Variants in ZNF723 observed in about 807,000 individuals in gnomAD.
ZNF723 encodes the protein zinc finger protein 723, also known as zinc finger protein 723, pseudogene.
ZNF723 carries 5 observed loss-of-function variants against 9.4 expected under a neutral mutation model. That is an observed-to-expected ratio of 0.53 (90% CI 0.28 to 1.12). The LOEUF is 1.12. Ranked by LOEUF, ZNF723 falls within the 50% of genes most tolerant of loss-of-function variation. ZNF723 has a pLI of 0.10. For missense variants in ZNF723, 450 were observed against 501.5 expected (o/e 0.90, Z 0.98); for synonymous variants, 158 against 168.8 (o/e 0.94, Z 0.49).
rs200046186 is a variant in ZNF723, at chr19:22,857,667, G to C, written c.776G>C (p.Cys259Ser). ...CATACTGGAGAGAAACCCTACAAAT[G>C]TGAAGAATGTGGCAAAACCTTTAAT... ...RIHTGEKPYK[C>S]EECGKTFNMF... The change falls in exon 4 of 4, where the codon TGT becomes TCT. Residue 259 changes from cysteine (C) to serine (S), a missense_variant. This residue lies in a region of ZNF723 where 237 missense variants were observed against 332.2 expected (regional missense o/e 0.71). Transcript: ENST00000600766. 2 of 1,273,092 alleles carry C rather than the reference G, an allele frequency of 1.6e-6. No homozygotes were observed. Among genetic ancestry groups the C allele is most frequent in the Non-Finnish European group, 2.3e-6 (2 of 870,038 alleles). The allele number at this position is 1,273,092 out of a possible 1,614,324, so 78.9% of individuals were successfully genotyped here.
At chr19:22,842,590 T>A (rs1395973392) in intron 1 of ZNF723, among the ~76,000 whole-genome samples, 1 of 152,248 alleles carries the variant, frequency 6.6e-6, no homozygotes. Context: ...GCTCCCAGGT[T>A]ACAATCCTCA....
rs556392451 is a variant in ZNF723 at position 22,838,999 on chromosome 19, G to A, written c.3+6617G>A. ...TTACCTTAGGTGATCTGCCCTCCTC[G>A]GCCTCCCAAAATGCTGGGATTACGG... On this transcript the variant is annotated intron_variant, in intron 1 of 3. Coordinates refer to ENST00000600766, the MANE Select transcript of ZNF723 (RefSeq NM_001349726.2). 5.3e-5 allele frequency among the ~76,000 whole-genome samples: 8 copies of A among 152,110 alleles called. No homozygotes were observed. The East Asian group carries it at 1.2e-3, about 22-fold the overall frequency.
Position 22,858,645 on chromosome 19 carries a change from A to G in ZNF723, c.*212A>G. 1 of 348,756 alleles carries G rather than the reference A, an allele frequency of 2.9e-6. No homozygotes were observed. Among genetic ancestry groups the G allele is most frequent in the Non-Finnish European group, 5.1e-6 (1 of 196,428 alleles). The allele number at this position is 348,756 out of a possible 1,614,324, so 21.6% of individuals were successfully genotyped here. ...GCCGGGTGTAGTGGTGGGCGCCTGT[A>G]ATCCCAGCTAGTTGGGAGGCTGAGG... On this transcript the variant is annotated 3_prime_UTR_variant, in exon 4 of 4. Transcript: ENST00000600766.
At chr19:22,830,578 G>C, upstream of ZNF723, among the ~76,000 whole-genome samples, 1 of 152,006 alleles carries the variant, frequency 6.6e-6, no homozygotes, top group East Asian at 1.9e-4. Flanking sequence ...AGTATTTCAT[G>C]GGTCTGCAGA....
At chr19:22,817,275 A>G in the ZNF723 span, among the ~76,000 whole-genome samples, 4 of 152,136 alleles carry the variant, frequency 2.6e-5, no homozygotes, top group African/African-American at 9.7e-5. Context: ...TAAGTTATGT[A>G]ATTCTCTTCT....
chr19:22,852,591 G>T (rs1967413086), intron 3 of ZNF723, among the ~76,000 whole-genome samples: 1 of 152,016 alleles, frequency 6.6e-6, no homozygotes, highest in Non-Finnish European at 1.5e-5. Context: ...TTATTTTTGT[G>T]TGGGGAAAAA....
the ZNF723 span, among the ~76,000 whole-genome samples, chr19:22,812,676 A>G: frequency 6.6e-6 from 1 of 152,196 alleles, no homozygotes; most frequent in Non-Finnish European, 1.5e-5. Context: ...CCCAGTCAAC[A>G]GTAAAAATTG....
intron 1 of ZNF723, among the ~76,000 whole-genome samples, chr19:22,841,807 TA>T (rs1196391033): frequency 2.8e-4 from 42 of 152,020 alleles, no homozygotes; most frequent in Non-Finnish European, 1.9e-4. Flanking sequence ...CTCCTATTGC[TA>T]AAATACCCAC....
At chr19:22,812,871 A>G in the ZNF723 span, among the ~76,000 whole-genome samples, 1 of 152,206 alleles carries the variant, frequency 6.6e-6, no homozygotes, top group Non-Finnish European at 1.5e-5. Context: ...TCTGTAGGAG[A>G]AACTGAGGCC....
At chr19:22,843,693 G>C (rs999608248) in intron 1 of ZNF723, among the ~76,000 whole-genome samples, 2 of 152,062 alleles carry the variant, frequency 1.3e-5, no homozygotes, top group Non-Finnish European at 2.9e-5. Context: ...ATATTGTAGT[G>C]ACTTCTTATG....
At chr19:22,848,239 T>G (rs531536082) in intron 1 of ZNF723, 22 bp from the exon 2 acceptor site, 1 of 917,594 alleles carries the variant, frequency 1.1e-6, no homozygotes, top group Non-Finnish European at 1.7e-6. Context: ...TGTGTGTATG[T>G]GTGTGTGTGT....
chr19:22,835,900 T>C (rs1967158975), intron 1 of ZNF723, among the ~76,000 whole-genome samples: 1 of 152,222 alleles, frequency 6.6e-6, no homozygotes, highest in Non-Finnish European at 1.5e-5. Flanking sequence ...TAATTTTTAA[T>C]GCAAATAATA....
upstream of ZNF723, chr19:22,832,260 G>T: frequency 1.9e-6 from 2 of 1,080,738 alleles, no homozygotes; most frequent in South Asian, 1.4e-5. Flanking sequence ...CAGCTAGAGC[G>T]GACAGGGCGG....
At chr19:22,820,692 C>G in the ZNF723 span, among the ~76,000 whole-genome samples, 7 of 152,328 alleles carry the variant, frequency 4.6e-5, no homozygotes, top group South Asian at 1.2e-3. Flanking sequence ...AATTACCACT[C>G]TCTTGCTTAT....
intron 1 of ZNF723, among the ~76,000 whole-genome samples, chr19:22,841,775 G>A (rs1253124565): frequency 6.6e-6 from 1 of 152,048 alleles, no homozygotes; most frequent in East Asian, 1.9e-4. Flanking sequence ...ATGTAGACAT[G>A]AGAATCTCCA....
chr19:22,851,564 C>T (rs916660933), intron 3 of ZNF723, among the ~76,000 whole-genome samples: 3 of 152,210 alleles, frequency 2.0e-5, no homozygotes, highest in East Asian at 1.9e-4. Flanking sequence ...TGCAGTCTCA[C>T]TGTATTGCTC....
chr19:22,815,676 T>C, the ZNF723 span, among the ~76,000 whole-genome samples: 1 of 152,170 alleles, frequency 6.6e-6, no homozygotes, highest in Non-Finnish European at 1.5e-5. Context: ...AACCAGCTAA[T>C]AGAAGAGACA....
the ZNF723 span, among the ~76,000 whole-genome samples, chr19:22,818,473 AC>A: frequency 2.0e-5 from 3 of 152,298 alleles, no homozygotes; most frequent in Admixed American, 6.5e-5. Flanking sequence ...CTGCAACTTC[AC>A]CAAGGGGACA....
upstream of ZNF723, among the ~76,000 whole-genome samples, chr19:22,829,311 C>T (rs1370024146): frequency 6.1e-5 from 9 of 147,232 alleles, no homozygotes; most frequent in African/African-American, 2.0e-4. Context: ...TTTGAGATGC[C>T]GTCTTGCTCT....
Sources: allele counts gnomAD v4.1 joint callset (sites outside exome capture counted in the v4.1 genomes callset), GRCh38; gene constraint gnomAD v4.1.1; regional missense constraint gnomAD v4.1.1; transcripts MANE v1.5; gene names NCBI Gene and HGNC (gene_info 2026-07-23, HGNC 2026-07-21).